The following SNRK variants were observed in gnomAD, a reference collection of about 807,000 sequenced individuals.
SNRK encodes SNF related kinase.
Under a neutral mutation model 48.2 loss-of-function variants are expected in SNRK, and 3 were observed. That is an observed-to-expected ratio of 0.06 (90% CI 0.03 to 0.16). The LOEUF (loss-of-function observed/expected upper bound fraction) is 0.16. Among genes scored for constraint, SNRK ranks in the 10% least tolerant of loss-of-function variants. The pLI, the probability that SNRK is intolerant of heterozygous loss-of-function variation, is 1.00. For missense variants in SNRK, 627 were observed against 976.0 expected (o/e 0.64, Z 4.76); for synonymous variants, 376 against 366.1 (o/e 1.03, Z -0.31).
chr3:43,335,930 T>G (rs773904822), intron 4 of SNRK, among the ~76,000 whole-genome samples: 1 of 152,232 alleles, frequency 6.6e-6, no homozygotes, highest in Non-Finnish European at 1.5e-5. Flanking sequence ...TTTCTTAAAC[T>G]TCCCATTGTC....
intron 2 of SNRK, among the ~76,000 whole-genome samples, 166 bp from the exon 3 acceptor site, chr3:43,302,932 G>C (rs1310140335): frequency 6.6e-6 from 1 of 151,522 alleles, no homozygotes; most frequent in East Asian, 1.9e-4. Flanking sequence ...GTAATATAAA[G>C]TCTAAATGTA....
chr3:43,346,953 C>T (rs1470969236), intron 6 of SNRK: 8 of 166,702 alleles, frequency 4.8e-5, no homozygotes, highest in African/African-American at 1.9e-4. Flanking sequence ...TAGTAATATA[C>T]CTTTATGTGA....
intron 3 of SNRK, among the ~76,000 whole-genome samples, chr3:43,319,534 T>C (rs1288128987): frequency 6.6e-6 from 1 of 152,160 alleles, no homozygotes; most frequent in East Asian, 1.9e-4. Flanking sequence ...GGAGAATGCA[T>C]GCCCTGATTG....
rs138836470 is a variant in SNRK, at chr3:43,346,214, C to G, written c.1080-1125C>G. On this transcript the variant is annotated intron_variant, in intron 6 of 6. Transcript: ENST00000296088. ...TTCAGAGAATACTGCTTCTTAGCTT[C>G]AAATTTAAATTTTTTTTTAATGACA... 3.3e-5 allele frequency among the ~76,000 whole-genome samples: 5 copies of G among 152,256 alleles called. No individual in the cohort carries two copies. The East Asian group carries it at 9.6e-4, about 29-fold the overall frequency.
At chr3:43,302,522 C>T (rs753137833) in intron 2 of SNRK, among the ~76,000 whole-genome samples, 8 of 152,008 alleles carry the variant, frequency 5.3e-5, no homozygotes, top group Non-Finnish European at 1.0e-4. Flanking sequence ...AGATGGTGTA[C>T]CCAAATACCT....
At chr3:43,317,140 A>G (rs936103948) in intron 3 of SNRK, among the ~76,000 whole-genome samples, 12 of 152,222 alleles carry the variant, frequency 7.9e-5, no homozygotes, top group Admixed American at 1.3e-4. Context: ...AAAAGTTAAT[A>G]TTTATATAAA....
At position 43,350,858 on chromosome 3, in the gene SNRK, A is replaced by ATG. The variant is rs937263474; in HGVS notation, c.*2307_*2308dup. 4.8e-5 allele frequency: 7 copies of ATG among 144,520 alleles called. No individual in the cohort carries two copies. In the South Asian group the frequency reaches 9.1e-4, roughly 19 times the overall value. 9.0% of individuals were successfully genotyped at this position (144,520 alleles called of 1,614,324 possible). ...GAAAAACAGTCTTGTATTTTTCTGT[A>ATG]TGTGTGTATATATATATAATTATGT... On this transcript the variant is annotated 3_prime_UTR_variant, in exon 7 of 7. Coordinates refer to ENST00000296088, the MANE Select transcript of SNRK (RefSeq NM_017719.5).
chr3:43,287,603 G>A (rs913005458), intron 1 of SNRK, among the ~76,000 whole-genome samples: 1 of 152,156 alleles, frequency 6.6e-6, no homozygotes, highest in Admixed American at 6.5e-5. Context: ...CTTAGGAACC[G>A]TGGTAAAGTT....
chr3:43,306,308 A>C (rs1309265749), intron 3 of SNRK, among the ~76,000 whole-genome samples: 1 of 152,180 alleles, frequency 6.6e-6, no homozygotes, highest in East Asian at 1.9e-4. Flanking sequence ...GATTTTTCAC[A>C]AATGTTTAGT....
At chr3:43,298,747 C>A (rs1324207305) in intron 1 of SNRK, among the ~76,000 whole-genome samples, 1 of 152,242 alleles carries the variant, frequency 6.6e-6, no homozygotes. Context: ...ACCTGCAAGG[C>A]TACCTTGGTC....
chr3:43,319,027 C>CA lies in SNRK; in HGVS notation c.590-13125dup, dbSNP rs573381074. On this transcript the variant is annotated intron_variant, in intron 3 of 6. Coordinates refer to ENST00000296088, the MANE Select transcript of SNRK (RefSeq NM_017719.5). ...TGGGCGACAAAGCGAGACTTTGTCT[C>CA]AAAAAAAAAAAAAAAAAGAATCAGT... 8.9e-3 allele frequency among the ~76,000 whole-genome samples: 613 copies of CA among 68,672 alleles called. 4 individuals are homozygous for CA. Among genetic ancestry groups the CA allele is most frequent in the East Asian group, 0.017 (38 of 2,176 alleles). 45.1% of individuals were successfully genotyped at this position (68,672 alleles called of 152,430 possible).
At chr3:43,288,693 C>G (rs908723274) in intron 1 of SNRK, among the ~76,000 whole-genome samples, 2 of 152,128 alleles carry the variant, frequency 1.3e-5, no homozygotes. Context: ...CCTAAGAGCT[C>G]TTTACACTGC....
Position 43,328,180 on chromosome 3 carries a change from C to T in SNRK, c.590-3989C>T, listed in dbSNP as rs575926857. ...TTTTGGAAATGATTATAATAAGGTCCCCTGTACATTTCGCTCCATTACACC... is the reference window on the plus strand; with the variant it reads ...TTTTGGAAATGATTATAATAAGGTCTCCTGTACATTTCGCTCCATTACACC... On this transcript the variant is annotated intron_variant, in intron 3 of 6. Coordinates refer to ENST00000296088, the MANE Select transcript of SNRK (RefSeq NM_017719.5). 2.2e-4 allele frequency among the ~76,000 whole-genome samples: 33 copies of T among 151,840 alleles called. 1 individual carries two copies. Among genetic ancestry groups the T allele is most frequent in the Non-Finnish European group, 3.8e-4 (26 of 67,970 alleles).
rs1553632564 is a variant in SNRK at position 43,296,415 on chromosome 3, C to CATATATATATATGTATATAT, written c.-168-3327_-168-3326insGTATATATATATATATATAT. On this transcript the variant is annotated intron_variant, in intron 1 of 6. Transcript: ENST00000296088. ...TGTTTGTATTAGATGGATATACTGG[C>CATATATATATATGTATATAT]ATATATATATATATATATGTATATA... 6.2e-4 allele frequency among the ~76,000 whole-genome samples: 79 copies of CATATATATATATGTATATAT among 127,216 alleles called. 5 individuals carry two copies. The East Asian group carries it at 0.017, about 28-fold the overall frequency. The allele number at this position is 127,216 out of a possible 152,430, so 83.5% of individuals were successfully genotyped here.
intron 2 of SNRK, among the ~76,000 whole-genome samples, chr3:43,302,871 A>AT (rs35710087): frequency 0.097 from 14,718 of 151,024 alleles, 957 homozygotes; most frequent in Non-Finnish European, 0.14. Flanking sequence ...CAATGAACTA[A>AT]TTTTTTTTTC....
intron 1 of SNRK, among the ~76,000 whole-genome samples, chr3:43,298,249 A>G (rs1457119477): frequency 1.3e-5 from 2 of 152,184 alleles, no homozygotes; most frequent in Non-Finnish European, 2.9e-5. Context: ...CTGGGATTCA[A>G]ATGCAGTTGT....
At chr3:43,302,258 T>G (rs575666200) in intron 2 of SNRK, among the ~76,000 whole-genome samples, 1 of 152,170 alleles carries the variant, frequency 6.6e-6, no homozygotes, top group African/African-American at 2.4e-5. Flanking sequence ...GTTTAAAAAG[T>G]CAATGTTAAT....
Position 43,297,947 on chromosome 3 carries a change from T to G in SNRK, c.-168-1807T>G, listed in dbSNP as rs184656590. On this transcript the variant is annotated intron_variant, in intron 1 of 6. Transcript: ENST00000296088. Reference sequence around the variant, plus strand: ...CTATCTTATGAAAGCAAAAGAGAGATAATAGTTTGGTGAATTCATTCGCTT... The same window carrying G: ...CTATCTTATGAAAGCAAAAGAGAGAGAATAGTTTGGTGAATTCATTCGCTT... Among the ~76,000 whole-genome samples, 150 of 152,074 alleles carry G rather than the reference T, an allele frequency of 9.9e-4. 1 individual carries two copies. The South Asian group carries it at 0.01, about 11-fold the overall frequency.
chr3:43,309,270 A>G (rs903285308), intron 3 of SNRK, among the ~76,000 whole-genome samples: 50 of 152,190 alleles, frequency 3.3e-4, no homozygotes, highest in Admixed American at 3.0e-3. Flanking sequence ...TGAAATGACA[A>G]CAAAGGATTT....
Sources: gnomAD v4.1 joint callset for allele counts (sites outside exome capture counted in the v4.1 genomes callset) on GRCh38, gnomAD v4.1.1 for gene constraint, MANE v1.5 for transcripts, NCBI Gene and HGNC (gene_info 2026-07-23, HGNC 2026-07-21) for gene names.